The following IBTK variants were observed in gnomAD, a reference collection of about 807,000 sequenced individuals.
IBTK encodes the protein BTK-binding protein.
IBTK carries 83 observed loss-of-function variants against 154.9 expected under a neutral mutation model. The ratio of observed to expected loss-of-function variants is 0.54; its 90% CI spans 0.45 to 0.64. The LOEUF (loss-of-function observed/expected upper bound fraction) is 0.64. Among genes scored for constraint, IBTK ranks in the 30% least tolerant of loss-of-function variants. The pLI is 0.00. For synonymous variants in IBTK, 515 were observed against 536.1 expected (o/e 0.96, Z 0.54); for missense variants, 1,332 against 1,584.6 (o/e 0.84, Z 2.71).
intron 13 of IBTK, among the ~76,000 whole-genome samples, chr6:82,212,247 A>G (rs1203905393): frequency 2.0e-5 from 3 of 152,146 alleles, no homozygotes; most frequent in Non-Finnish European, 4.4e-5. Context: ...CGGCCCCCCA[A>G]AGTGCTGAGA....
At chr6:82,215,617 T>C (rs934273915) in intron 11 of IBTK, among the ~76,000 whole-genome samples, 4 of 151,648 alleles carry the variant, frequency 2.6e-5, no homozygotes, top group Non-Finnish European at 5.9e-5. Flanking sequence ...CAAAACCCCA[T>C]CTCTACTAAA....
chr6:82,227,055 C>A, intron 5 of IBTK, 137 bp downstream of exon 5: 1 of 535,694 alleles, frequency 1.9e-6, no homozygotes, highest in Non-Finnish European at 3.3e-6. Flanking sequence ...TATCAGGAAA[C>A]AGATTTTTTA....
At chr6:82,225,770 T>G (rs1770274015) in intron 5 of IBTK, 123 bp from the exon 6 acceptor site, 1 of 681,820 alleles carries the variant, frequency 1.5e-6, no homozygotes. Flanking sequence ...GCTGTATCTA[T>G]CATAGGTAAA....
At chr6:82,175,426 C>T (rs1402112263) in intron 26 of IBTK, among the ~76,000 whole-genome samples, 1 of 152,096 alleles carries the variant, frequency 6.6e-6, no homozygotes, top group Non-Finnish European at 1.5e-5. Context: ...AAATATGTTT[C>T]CTAAGACTAC....
chr6:82,246,490 G>C (rs1254743757), intron 1 of IBTK, among the ~76,000 whole-genome samples: 4 of 138,854 alleles, frequency 2.9e-5, no homozygotes, highest in African/African-American at 1.1e-4. Context: ...AGTCGCCCAG[G>C]ATGGAGTGCA....
At chr6:82,217,468 C>G (rs1301137270) in intron 10 of IBTK, among the ~76,000 whole-genome samples, 1 of 152,054 alleles carries the variant, frequency 6.6e-6, no homozygotes, top group Non-Finnish European at 1.5e-5. Context: ...TATAGAGGCC[C>G]ATTTTATATA....
At chr6:82,241,173 G>C (rs1030520378) in intron 1 of IBTK, among the ~76,000 whole-genome samples, 4 of 151,570 alleles carry the variant, frequency 2.6e-5, no homozygotes, top group Non-Finnish European at 5.9e-5. Context: ...CATGTTTAAA[G>C]TTAACCCACA....
intron 13 of IBTK, 76 bp from the exon 14 acceptor site, chr6:82,211,648 A>G: frequency 8.5e-7 from 1 of 1,173,292 alleles, no homozygotes; most frequent in South Asian, 1.3e-5. Context: ...GATTTGGCTT[A>G]ACTTTCAGTT....
intron 25 of IBTK, among the ~76,000 whole-genome samples, chr6:82,185,509 G>A (rs1423857423): frequency 2.0e-5 from 3 of 150,988 alleles, no homozygotes; most frequent in African/African-American, 4.9e-5. Context: ...AGCCAAGATT[G>A]CACCACTGCA....
chr6:82,218,381 C>G (rs983683868), intron 9 of IBTK, among the ~76,000 whole-genome samples: 2 of 152,118 alleles, frequency 1.3e-5, no homozygotes, highest in Non-Finnish European at 2.9e-5. Flanking sequence ...CAAAGGCACT[C>G]CTCTTAAGAA....
Position 82,171,349 on chromosome 6 carries a change from AAG to A in IBTK, c.*74_*75del. On this transcript the variant is annotated 3_prime_UTR_variant, in exon 29 of 29. Coordinates refer to ENST00000306270, the MANE Select transcript of IBTK (RefSeq NM_015525.4). ...TTTAGAATGATATTACAAAATCTCTAAGACTCTTTTCCACAGCTTTTCTTTAT... is the reference window on the plus strand; with the variant it reads ...TTTAGAATGATATTACAAAATCTCTAACTCTTTTCCACAGCTTTTCTTTAT... 1 of 1,256,776 alleles carries A rather than the reference AAG, an allele frequency of 8.0e-7. No individual in the cohort carries two copies. Among genetic ancestry groups the A allele is most frequent in the Non-Finnish European group, 1.1e-6 (1 of 894,166 alleles). The allele number at this position is 1,256,776 out of a possible 1,614,324, so 77.9% of individuals were successfully genotyped here.
intron 24 of IBTK, 27 bp downstream of exon 24, chr6:82,191,760 T>C (rs2127803114): frequency 1.5e-6 from 2 of 1,302,970 alleles, no homozygotes; most frequent in Non-Finnish European, 2.2e-6. Flanking sequence ...CAACATGAAA[T>C]GATCTTTTGT....
At chr6:82,199,967 G>A (rs190375435) in intron 21 of IBTK, among the ~76,000 whole-genome samples, 174 bp downstream of exon 21, 3 of 152,148 alleles carry the variant, frequency 2.0e-5, no homozygotes, top group African/African-American at 7.2e-5. Flanking sequence ...TCTCAGATTA[G>A]TTTGAGTACC....
At chr6:82,236,369 T>A (rs911861077) in intron 2 of IBTK, among the ~76,000 whole-genome samples, 2 of 152,230 alleles carry the variant, frequency 1.3e-5, no homozygotes, top group Admixed American at 6.5e-5. Flanking sequence ...TTAATCCATA[T>A]AACCTATGAT....
chr6:82,205,585 T>G, intron 16 of IBTK: 1 of 152,252 alleles, frequency 6.6e-6, no homozygotes, highest in South Asian at 2.1e-4. Flanking sequence ...CTGGCCAACA[T>G]GGTGAACATA....
chr6:82,193,937 C>G (rs1240243955), intron 23 of IBTK, among the ~76,000 whole-genome samples: 1 of 152,150 alleles, frequency 6.6e-6, no homozygotes. Context: ...CCACCTCAGC[C>G]TCCCAAAGTG....
intron 9 of IBTK, among the ~76,000 whole-genome samples, chr6:82,219,523 TTAAATA>T (rs1770012641): frequency 6.6e-6 from 1 of 151,952 alleles, no homozygotes; most frequent in African/African-American, 2.4e-5. Flanking sequence ...ATATATACCT[TTAAATA>T]TAATTTTTAA....
Position 82,220,618 on chromosome 6 carries a change from C to A in IBTK, c.1220G>T (p.Cys407Phe). The change falls in exon 9 of 29, where the codon TGC (cysteine) becomes TTC (phenylalanine). Residue 407 changes from cysteine (C) to phenylalanine (F), a missense_variant. By Grantham distance (205) the Cys-to-Phe change is radical (BLOSUM62 -2). Transcript: ENST00000306270. Reference protein sequence around the residue: ...HLKENGGQKICILAMDGAGRV... With the variant: ...HLKENGGQKIFILAMDGAGRV... Reference sequence around the variant, plus strand: ...TCCAGCTCCATCCATTGCAAGAATGCAAATTTTTTGACCCCCATTTTCTTT... The same window carrying A: ...TCCAGCTCCATCCATTGCAAGAATGAAAATTTTTTGACCCCCATTTTCTTT... 6.2e-7 allele frequency: 1 copy of A among 1,611,424 alleles called. No individual in the cohort carries two copies. Among genetic ancestry groups the A allele is most frequent in the Non-Finnish European group, 8.5e-7 (1 of 1,179,048 alleles).
rs1257688098 is a variant in IBTK at position 82,170,550 on chromosome 6, T to G, written c.*875A>C. On this transcript the variant is annotated 3_prime_UTR_variant, in exon 29 of 29. Transcript: ENST00000306270. ...ATATACAATTGAGGTTCAGAGAACT[T>G]CTGATTATACAGTATTGTAAAGGTA... 1 of 152,218 alleles carries G rather than the reference T, an allele frequency of 6.6e-6. No homozygotes were observed. Among genetic ancestry groups the G allele is most frequent in the African/African-American group, 2.4e-5 (1 of 41,466 alleles). 9.4% of individuals were successfully genotyped at this position (152,218 alleles called of 1,614,324 possible).
Sources: allele counts gnomAD v4.1 joint callset (sites outside exome capture counted in the v4.1 genomes callset), GRCh38; gene constraint gnomAD v4.1.1; transcripts MANE v1.5; gene names NCBI Gene and HGNC (gene_info 2026-07-23, HGNC 2026-07-21).